The following KCTD20 variants were observed in gnomAD, a reference collection of about 807,000 sequenced individuals.
KCTD20 encodes the protein potassium channel tetramerization domain containing 20, also known as BTB/POZ domain-containing protein KCTD20.
In KCTD20, 30 loss-of-function variants were observed where a neutral mutation model predicts 39.6. That is an observed-to-expected ratio of 0.76 (90% CI 0.57 to 1.03). The LOEUF (loss-of-function observed/expected upper bound fraction) is 1.03. KCTD20 is among the 50% of genes least tolerant of loss of function. The pLI is 0.00. For missense variants in KCTD20, 422 were observed against 522.0 expected (o/e 0.81, Z 1.87); for synonymous variants, 162 against 180.6 (o/e 0.90, Z 0.83).
At position 36,466,076 on chromosome 6, in the gene KCTD20, CT is replaced by C. The variant is rs1169041535; in HGVS notation, c.-46-3962del. Among the ~76,000 whole-genome samples the C allele has an allele frequency of 8.0e-3, 1,136 of 141,408 alleles. 7 individuals are homozygous for C. The highest frequency in any genetic ancestry group is 0.022 in the African/African-American group (856 of 38,898). 92.8% of individuals were successfully genotyped at this position (141,408 alleles called of 152,430 possible). On this transcript the variant is annotated intron_variant, in intron 1 of 7. Transcript: ENST00000373731. ...GTTGTTGAAGTGTTTTGTTTCTTTT[CT>C]TTTTTTTTTTTTTGAGATGGAGTCT...
chr6:36,451,964 C>T (rs1292577173), intron 1 of KCTD20, among the ~76,000 whole-genome samples: 1 of 152,148 alleles, frequency 6.6e-6, no homozygotes, highest in Non-Finnish European at 1.5e-5. Context: ...GTACACACCA[C>T]CATGCCCAGC....
chr6:36,452,541 C>CTTTTTTTTTTTT (rs57480327), intron 1 of KCTD20: 3 of 126,932 alleles, frequency 2.4e-5, no homozygotes, highest in Non-Finnish European at 3.4e-5. Context: ...TCTTCATTTT[C>CTTTTTTTTTTTT]TTTTTTTTTT....
At chr6:36,462,216 T>TA (rs1395324687) in intron 1 of KCTD20, among the ~76,000 whole-genome samples, 1 of 152,156 alleles carries the variant, frequency 6.6e-6, no homozygotes, top group Non-Finnish European at 1.5e-5. Context: ...GTCTGTTACA[T>TA]ATATAGTTTT....
chr6:36,471,180 C>T (rs1006586303), intron 2 of KCTD20, among the ~76,000 whole-genome samples: 2 of 151,790 alleles, frequency 1.3e-5, no homozygotes, highest in East Asian at 3.9e-4. Flanking sequence ...CTCCCTACCT[C>T]ACAAGGCTAG....
chr6:36,458,774 T>C (rs1240249237), intron 1 of KCTD20, among the ~76,000 whole-genome samples: 3 of 151,708 alleles, frequency 2.0e-5, no homozygotes, highest in Non-Finnish European at 4.4e-5. Flanking sequence ...AAGGATGGCT[T>C]GATCCCAGGA....
At chr6:36,486,687 C>G (rs79328581) in intron 7 of KCTD20, among the ~76,000 whole-genome samples, 196 bp from the exon 8 acceptor site, 7,317 of 152,212 alleles carry the variant, frequency 0.048, 448 homozygotes, top group Admixed American at 0.16. Context: ...GGGACAAGAC[C>G]TACTAATCTG....
At chr6:36,478,555 T>C (rs1477957687) in intron 3 of KCTD20, among the ~76,000 whole-genome samples, 1 of 152,144 alleles carries the variant, frequency 6.6e-6, no homozygotes, top group South Asian at 2.1e-4. Flanking sequence ...AAGGCCATTT[T>C]TCCCCCAGAG....
chr6:36,450,584 T>C (rs1382329400), intron 1 of KCTD20, among the ~76,000 whole-genome samples: 1 of 152,182 alleles, frequency 6.6e-6, no homozygotes, highest in East Asian at 1.9e-4. Context: ...AGCATTCTTT[T>C]TCACGTGACT....
chr6:36,475,320 C>T (rs182915822), intron 3 of KCTD20, among the ~76,000 whole-genome samples: 3 of 151,830 alleles, frequency 2.0e-5, no homozygotes, highest in South Asian at 4.2e-4. Flanking sequence ...GTGGCGGGCA[C>T]CTATAATCCC....
At chr6:36,484,140 TAGTC>T (rs1347536160) in intron 6 of KCTD20, among the ~76,000 whole-genome samples, 2 of 152,112 alleles carry the variant, frequency 1.3e-5, no homozygotes, top group Non-Finnish European at 2.9e-5. Flanking sequence ...TTCACCATGT[TAGTC>T]AGGCTGGTCT....
intron 1 of KCTD20, among the ~76,000 whole-genome samples, chr6:36,455,331 C>T (rs1026841449): frequency 6.6e-6 from 1 of 152,132 alleles, no homozygotes; most frequent in East Asian, 1.9e-4. Flanking sequence ...TCGCTTTAAC[C>T]TGAGTGGCAG....
At chr6:36,475,149 A>C in intron 3 of KCTD20, 87 bp downstream of exon 3, 1 of 1,433,256 alleles carries the variant, frequency 7.0e-7, no homozygotes, top group African/African-American at 1.4e-5. Context: ...ATATAACAGT[A>C]AAAAGTATTG....
intron 1 of KCTD20, among the ~76,000 whole-genome samples, chr6:36,467,627 T>C (rs1420858232): frequency 6.6e-6 from 1 of 151,838 alleles, no homozygotes; most frequent in Admixed American, 6.6e-5. Context: ...TGAGCCACCG[T>C]GCCTGGCTCT....
At position 36,470,120 on chromosome 6, in the gene KCTD20, A is replaced by G; in HGVS notation, c.23A>G (p.Asp8Gly). The G allele has an allele frequency of 6.2e-7, 1 of 1,613,832 alleles. No homozygotes were observed. Among genetic ancestry groups the G allele is most frequent in the Non-Finnish European group, 8.5e-7 (1 of 1,179,784 alleles). The change falls in exon 2 of 8, where the codon GAC becomes GGC. Residue 8 changes from aspartate to glycine, a missense_variant. By Grantham distance (94) the Asp-to-Gly change is moderately conservative. Transcript: ENST00000373731. MNVHRGS[D>G]SDRLLRQEAS... ...AGGATGAATGTTCACCGTGGCAGTG[A>G]CAGTGACAGGTTATTGCGGCAGGAG...
intron 3 of KCTD20, among the ~76,000 whole-genome samples, chr6:36,478,121 C>G (rs1406494950): frequency 7.3e-6 from 1 of 136,702 alleles, no homozygotes; most frequent in African/African-American, 2.9e-5. Flanking sequence ...GAAAAGCAGC[C>G]AGTTCAGGCT....
intron 1 of KCTD20, among the ~76,000 whole-genome samples, chr6:36,453,079 C>A (rs1407985381): frequency 7.1e-6 from 1 of 141,336 alleles, no homozygotes; most frequent in Non-Finnish European, 1.5e-5. Flanking sequence ...GCGATCTTGG[C>A]TCACGGCAAC....
chr6:36,463,432 GGAGTT>G, intron 1 of KCTD20, among the ~76,000 whole-genome samples: 1 of 152,238 alleles, frequency 6.6e-6, no homozygotes, highest in East Asian at 1.9e-4. Flanking sequence ...AGAGAAAAAA[GGAGTT>G]AAGAATATAT....
chr6:36,460,506 T>C (rs577234740), intron 1 of KCTD20, among the ~76,000 whole-genome samples: 2 of 152,302 alleles, frequency 1.3e-5, no homozygotes, highest in South Asian at 2.1e-4. Flanking sequence ...GGTTTCACCA[T>C]GTTGGCCAGG....
intron 1 of KCTD20, among the ~76,000 whole-genome samples, chr6:36,461,608 G>C (rs947122239): frequency 1.3e-5 from 2 of 152,142 alleles, no homozygotes; most frequent in Non-Finnish European, 2.9e-5. Flanking sequence ...GTAAATCCAA[G>C]TAACTCACAT....
Sources: gnomAD v4.1 joint callset for allele counts (sites outside exome capture counted in the v4.1 genomes callset) on GRCh38, gnomAD v4.1.1 for gene constraint, MANE v1.5 for transcripts, NCBI Gene and HGNC (gene_info 2026-07-23, HGNC 2026-07-21) for gene names.